Variants in RASGEF1C observed in about 807,000 individuals in gnomAD.
RASGEF1C encodes RasGEF domain family member 1C, also known as ras-GEF domain-containing family member 1C.
Under a neutral mutation model 58.1 loss-of-function variants are expected in RASGEF1C, and 27 were observed. The observed-to-expected ratio is 0.46, with a 90% confidence interval of 0.34 to 0.64. RASGEF1C has a LOEUF of 0.64. Among genes scored for constraint, RASGEF1C ranks in the 30% least tolerant of loss-of-function variants. The probability of loss-of-function intolerance (pLI) is 0.01; values close to 1 mark genes in which losing one functional copy is unlikely to be tolerated. For missense variants in RASGEF1C, 502 were observed against 605.1 expected (o/e 0.83, Z 1.79); for synonymous variants, 243 against 246.3 (o/e 0.99, Z 0.13).
intron 12 of RASGEF1C, among the ~76,000 whole-genome samples, chr5:180,109,300 C>CA (rs914130855): frequency 2.7e-4 from 41 of 151,584 alleles, no homozygotes; most frequent in Admixed American, 2.0e-3. Flanking sequence ...ACTAAAAATA[C>CA]AAAAAAAATT....
At chr5:180,109,263 T>C (rs1484952317) in intron 12 of RASGEF1C, among the ~76,000 whole-genome samples, 5 of 152,192 alleles carry the variant, frequency 3.3e-5, no homozygotes, top group East Asian at 1.9e-4. Flanking sequence ...GAGACCATCC[T>C]GGCTAACATG....
intron 12 of RASGEF1C, among the ~76,000 whole-genome samples, chr5:180,109,177 C>T (rs559257422): frequency 6.6e-6 from 1 of 152,298 alleles, no homozygotes; most frequent in South Asian, 2.1e-4. Context: ...GGTAGTAGGG[C>T]CAGGCGTGGT....
intron 1 of RASGEF1C, among the ~76,000 whole-genome samples, chr5:180,148,744 A>C (rs1766697850): frequency 1.3e-5 from 2 of 152,234 alleles, no homozygotes; most frequent in South Asian, 4.1e-4. Flanking sequence ...AAAAAGGTAG[A>C]GTTACAAATC....
chr5:180,139,552 G>A (rs1012758606), intron 1 of RASGEF1C, among the ~76,000 whole-genome samples: 2 of 152,236 alleles, frequency 1.3e-5, no homozygotes, highest in African/African-American at 4.8e-5. Context: ...AGCATGGGAA[G>A]GGCTCAGGCA....
intron 1 of RASGEF1C, among the ~76,000 whole-genome samples, chr5:180,174,653 T>G (rs572226158): frequency 8.7e-4 from 132 of 152,224 alleles, no homozygotes; most frequent in African/African-American, 1.2e-3. Context: ...CATGTGTGTG[T>G]GGGGTGCATC....
At chr5:180,121,963 G>T (rs1766184212) in intron 6 of RASGEF1C, among the ~76,000 whole-genome samples, 1 of 152,186 alleles carries the variant, frequency 6.6e-6, no homozygotes, top group South Asian at 2.1e-4. Context: ...GCATGGTGCT[G>T]AAGTGCCGTC....
intron 1 of RASGEF1C, among the ~76,000 whole-genome samples, chr5:180,188,741 A>ATGATGC (rs1756084954): frequency 6.6e-6 from 1 of 152,194 alleles, no homozygotes; most frequent in Non-Finnish European, 1.5e-5. Context: ...GGTATATGGC[A>ATGATGC]TGATGCTGAG....
chr5:180,144,675 A>C (rs1313049036), intron 1 of RASGEF1C, among the ~76,000 whole-genome samples: 1 of 152,284 alleles, frequency 6.6e-6, no homozygotes, highest in African/African-American at 2.4e-5. Context: ...TATACTTAAC[A>C]TAAATTTACC....
chr5:180,208,844 C>T (rs1200794004), intron 1 of RASGEF1C, among the ~76,000 whole-genome samples, 184 bp downstream of exon 1: 4 of 151,268 alleles, frequency 2.6e-5, no homozygotes, highest in African/African-American at 4.8e-5. Flanking sequence ...CCCGCTACCC[C>T]CGCGCCTCCA....
rs376212550 is a variant in RASGEF1C, at chr5:180,182,047, C to CA, written c.-7+26980dup. Among the ~76,000 whole-genome samples, 1,306 of 150,488 alleles carry CA rather than the reference C, an allele frequency of 8.7e-3. 25 individuals are homozygous for CA. The highest frequency in any genetic ancestry group is 0.03 in the African/African-American group (1,221 of 40,872). On this transcript the variant is annotated intron_variant, in intron 1 of 13. Coordinates refer to ENST00000361132, the MANE Select transcript of RASGEF1C (RefSeq NM_175062.4). ...TGAAACCCCGTCTCTACTAAAAATACAAAAAAAATTAGCCGGGCATGGTGG... is the reference window on the plus strand; with the variant it reads ...TGAAACCCCGTCTCTACTAAAAATACAAAAAAAAATTAGCCGGGCATGGTGG...
chr5:180,191,492 G>A (rs962592743), intron 1 of RASGEF1C, among the ~76,000 whole-genome samples: 2 of 152,156 alleles, frequency 1.3e-5, no homozygotes, highest in African/African-American at 4.8e-5. Context: ...AAGTAGCTGG[G>A]ACTACAGGCG....
At chr5:180,199,886 GTTCTAAGGTGA>G (rs1180409595) in intron 1 of RASGEF1C, among the ~76,000 whole-genome samples, 1 of 152,102 alleles carries the variant, frequency 6.6e-6, no homozygotes, top group East Asian at 1.9e-4. Context: ...GAATTTCCGT[GTTCTAAGGTGA>G]TGCTGATGTC....
In RASGEF1C at chr5:180,137,257, G is replaced by A. The variant is rs866285251; in HGVS notation, c.300+333C>T. 6.6e-6 allele frequency among the ~76,000 whole-genome samples: 1 copy of A among 152,184 alleles called. No homozygotes were observed. Among genetic ancestry groups the A allele is most frequent in the African/African-American group, 2.4e-5 (1 of 41,446 alleles). Reference sequence around the variant, plus strand: ...AGCCCGCAGGACCCGGCCAGGACTGGGAAGGTGGAGCGGATGTGCTGGGGG... The same window carrying A: ...AGCCCGCAGGACCCGGCCAGGACTGAGAAGGTGGAGCGGATGTGCTGGGGG... On this transcript the variant is annotated intron_variant, in intron 3 of 13. Coordinates refer to ENST00000361132, the MANE Select transcript of RASGEF1C (RefSeq NM_175062.4). The surrounding 1 kb of genome is among the most constrained non-coding windows in gnomAD (Gnocchi z 4.1).
At chr5:180,174,750 T>C (rs1034311776) in intron 1 of RASGEF1C, among the ~76,000 whole-genome samples, 10 of 152,164 alleles carry the variant, frequency 6.6e-5, no homozygotes, top group African/African-American at 2.4e-4. Flanking sequence ...TCAGACAGCA[T>C]GCGCACAGAT....
At chr5:180,134,236 C>T (rs1243376254) in intron 4 of RASGEF1C, among the ~76,000 whole-genome samples, 3 of 152,108 alleles carry the variant, frequency 2.0e-5, no homozygotes, top group Non-Finnish European at 4.4e-5. Context: ...CTTGAGGTCA[C>T]CAGAGACATG....
chr5:180,192,169 G>C (rs1185194666), intron 1 of RASGEF1C, among the ~76,000 whole-genome samples: 1 of 152,184 alleles, frequency 6.6e-6, no homozygotes, highest in East Asian at 1.9e-4. Context: ...ACAGACTAGT[G>C]ACCTTGATCA....
Position 180,192,192 on chromosome 5 carries a change from T to A in RASGEF1C, c.-7+16836A>T, listed in dbSNP as rs906062575. On this transcript the variant is annotated intron_variant, in intron 1 of 13. Transcript: ENST00000361132. Reference sequence around the variant, plus strand: ...GTGACCTTGATCACACGGGAAAATATCCTTTCTGCCATATAAGATGGCTAA... The same window carrying A: ...GTGACCTTGATCACACGGGAAAATAACCTTTCTGCCATATAAGATGGCTAA... 1.3e-5 allele frequency among the ~76,000 whole-genome samples: 2 copies of A among 152,184 alleles called. 1 individual carries two copies. Among genetic ancestry groups the A allele is most frequent in the Admixed American group, 1.3e-4 (2 of 15,280 alleles).
At chr5:180,185,067 C>T (rs562127548) in intron 1 of RASGEF1C, among the ~76,000 whole-genome samples, 10 of 152,196 alleles carry the variant, frequency 6.6e-5, no homozygotes, top group South Asian at 6.2e-4. Flanking sequence ...CCGAGGTGGG[C>T]GGATCACAAG....
In RASGEF1C at chr5:180,169,218, C is replaced by T. The variant is rs1767065504; in HGVS notation, c.-6-31160G>A. On this transcript the variant is annotated intron_variant, in intron 1 of 13. Coordinates refer to ENST00000361132, the MANE Select transcript of RASGEF1C (RefSeq NM_175062.4). ...TGATTTAGGTAGGAATATAATATTT[C>T]ATTACAAAATATATTTATTTTAACA... 3.3e-5 allele frequency among the ~76,000 whole-genome samples: 5 copies of T among 152,160 alleles called. No individual in the cohort carries two copies. The South Asian group carries it at 1.0e-3, about 32-fold the overall frequency.
Sources: allele counts gnomAD v4.1 joint callset (sites outside exome capture counted in the v4.1 genomes callset), GRCh38; gene constraint gnomAD v4.1.1; non-coding constraint Gnocchi (gnomAD v3.1); transcripts MANE v1.5; gene names NCBI Gene and HGNC (gene_info 2026-07-23, HGNC 2026-07-21).